Variants in UGT1A10 observed in about 807,000 individuals in gnomAD.
UGT1A10 encodes UDP-glucuronosyltransferase 1A10.
Under a neutral mutation model 45.8 loss-of-function variants are expected in UGT1A10, and 49 were observed. The observed-to-expected ratio is 1.07, with a 90% CI of 0.85 to 1.36. The LOEUF (loss-of-function observed/expected upper bound fraction) is 1.36, where lower values mean the gene tolerates loss of function less well. Ranked by LOEUF, UGT1A10 falls within the 40% of genes most tolerant of loss-of-function variation. UGT1A10 has a pLI of 0.00. For synonymous variants in UGT1A10, 284 were observed against 249.7 expected (o/e 1.14, Z -1.29); for missense variants, 745 against 668.6 (o/e 1.11, Z -1.26).
intron 1 of UGT1A10, among the ~76,000 whole-genome samples, chr2:233,733,535 T>G (rs1019669539): frequency 5.4e-4 from 82 of 152,358 alleles, no homozygotes; most frequent in Non-Finnish European, 5.9e-5. Flanking sequence ...TTAATTTTGT[T>G]GAAGGCCTTT....
intron 1 of UGT1A10, among the ~76,000 whole-genome samples, chr2:233,754,141 CATTAA>C (rs911730830): frequency 6.6e-6 from 1 of 152,194 alleles, no homozygotes; most frequent in Admixed American, 6.5e-5. Flanking sequence ...TAAAAGCCAT[CATTAA>C]ATTAAGCCAG....
At position 233,757,353 on chromosome 2, in the gene UGT1A10, G is replaced by A. The variant is rs373045458; in HGVS notation, c.856-9681G>A. The stretch of plus-strand genomic sequence containing the variant: ...GGGACCATGACAGCTGGGTCTGAGA[G>A]ACAGTGGTAGAAACATCCAGATTCA... On this transcript the variant is annotated intron_variant, in intron 1 of 4. Transcript: ENST00000344644. Among the ~76,000 whole-genome samples, 3 of 151,254 alleles carry A rather than the reference G, an allele frequency of 2.0e-5. No homozygotes were observed. The East Asian group carries it at 5.9e-4, about 30-fold the overall frequency.
chr2:233,759,224 T>C (rs1471050247), intron 1 of UGT1A10, among the ~76,000 whole-genome samples: 1 of 152,116 alleles, frequency 6.6e-6, no homozygotes, highest in Non-Finnish European at 1.5e-5. Flanking sequence ...TTTATGCAAA[T>C]GAAGGATGGA....
Position 233,729,783 on chromosome 2 carries a change from C to T in UGT1A10, c.856-37251C>T, listed in dbSNP as rs761502728. On this transcript the variant is annotated intron_variant, in intron 1 of 4. Coordinates refer to ENST00000344644, the MANE Select transcript of UGT1A10 (RefSeq NM_019075.4). Reference sequence around the variant, plus strand: ...TCAAGAACATGCTCTACCCTCTGGCCCTGTCCTACATTTGCCATGCTTTTT... The same window carrying T: ...TCAAGAACATGCTCTACCCTCTGGCTCTGTCCTACATTTGCCATGCTTTTT... 6 of 1,613,820 alleles carry T rather than the reference C, an allele frequency of 3.7e-6. No homozygotes were observed. In the Admixed American group the frequency reaches 8.3e-5, roughly 22 times the overall value.
Position 233,724,632 on chromosome 2 carries a change from A to G in UGT1A10, c.856-42402A>G, listed in dbSNP as rs1200392360. On this transcript the variant is annotated intron_variant, in intron 1 of 4. Transcript: ENST00000344644. ...CGGGCAGAGACGCTCCTCACTTCCT[A>G]GATGTGATGGCGGCTGGGAAGAGGC... Among the ~76,000 whole-genome samples, 15 of 136,662 alleles carry G rather than the reference A, an allele frequency of 1.1e-4. 1 individual carries two copies. Among genetic ancestry groups the G allele is most frequent in the Non-Finnish European group, 2.0e-4 (13 of 64,126 alleles). 89.7% of individuals were successfully genotyped at this position (136,662 alleles called of 152,430 possible).
In UGT1A10 at chr2:233,768,537, T is replaced by C; in HGVS notation, c.1295+98T>C. ...TTACGTAGCATTTAATAGCGTTGTT[T>C]CAAATATAAAAACAAATACATAAAA... On this transcript the variant is annotated intron_variant, in intron 4 of 4. Transcript: ENST00000344644. 2.0e-6 allele frequency: 3 copies of C among 1,499,906 alleles called. No individual in the cohort carries two copies. The South Asian group carries it at 4.0e-5, about 20-fold the overall frequency. The allele number at this position is 1,499,906 out of a possible 1,614,324, so 92.9% of individuals were successfully genotyped here.
chr2:233,724,299 A>C (rs1357747984), intron 1 of UGT1A10, among the ~76,000 whole-genome samples: 1 of 112,984 alleles, frequency 8.9e-6, no homozygotes, highest in Non-Finnish European at 1.8e-5. Flanking sequence ...TGACCCCCCC[A>C]CCTCCCTCCC....
intron 1 of UGT1A10, among the ~76,000 whole-genome samples, chr2:233,763,291 T>C (rs1222576175): frequency 6.6e-6 from 1 of 152,232 alleles, no homozygotes; most frequent in Non-Finnish European, 1.5e-5. Context: ...AAATTCCACT[T>C]TTTGGATATT....
intron 1 of UGT1A10, among the ~76,000 whole-genome samples, chr2:233,765,317 T>G (rs984736516): frequency 1.3e-5 from 2 of 152,240 alleles, no homozygotes; most frequent in Non-Finnish European, 2.9e-5. Flanking sequence ...ATTTGTTTAT[T>G]GCAGCACTAT....
chr2:233,772,269 G>C lies in UGT1A10; in HGVS notation c.1303G>C (p.Glu435Gln), dbSNP rs868814380. The C allele has an allele frequency of 1.2e-6, 2 of 1,614,106 alleles. No homozygotes were observed. The highest frequency in any genetic ancestry group is 1.7e-6 in the Non-Finnish European group (2 of 1,180,050). Residue 435 changes from glutamate to glutamine, a missense_variant, in exon 5 of 5, where the codon GAG becomes CAG. Transcript: ENST00000344644. ...AACTGTCTTTGTGTTTAGTTACAAG[G>C]AGAACATCATGCGCCTCTCCAGCCT... The part of the protein sequence containing the change: ...KAVINDKSYK[E>Q]NIMRLSSLHK...
At chr2:233,672,131 T>C in intron 1 of UGT1A10, 3 of 1,614,178 alleles carry the variant, frequency 1.9e-6, no homozygotes, top group Non-Finnish European at 2.5e-6. Flanking sequence ...AGTTGGCAAC[T>C]GGGAAGATCA....
intron 1 of UGT1A10, chr2:233,718,729 G>A: frequency 6.2e-7 from 1 of 1,611,182 alleles, no homozygotes; most frequent in African/African-American, 1.3e-5. Flanking sequence ...GATTTGCTAG[G>A]TGGCTCAATG....
intron 1 of UGT1A10, among the ~76,000 whole-genome samples, chr2:233,707,259 A>G (rs1327423333): frequency 6.6e-6 from 1 of 151,866 alleles, no homozygotes; most frequent in Admixed American, 6.6e-5. Context: ...TTTCTTCATC[A>G]GCATTTATTT....
intron 1 of UGT1A10, among the ~76,000 whole-genome samples, chr2:233,704,631 AC>A (rs375388019): frequency 5.3e-5 from 8 of 152,238 alleles, no homozygotes; most frequent in Middle Eastern, 3.4e-3. Flanking sequence ...TGTTATATTA[AC>A]CTTTTTGCTT....
In UGT1A10 at chr2:233,695,130, C is replaced by CTTTCTTTTTTTTTTTTT. The variant is rs1364557158; in HGVS notation, c.855+57756_855+57757insCTTTTTTTTTTTTTTTT. On this transcript the variant is annotated intron_variant, in intron 1 of 4. Transcript: ENST00000344644. ...GCCCATTAACCAACCCTTTTCTTTT[C>CTTTCTTTTTTTTTTTTT]TTTTTTTTTTTTTTGAGACAGAGTC... 2.9e-5 allele frequency among the ~76,000 whole-genome samples: 4 copies of CTTTCTTTTTTTTTTTTT among 138,838 alleles called. 1 individual carries two copies. 91.1% of individuals were successfully genotyped at this position (138,838 alleles called of 152,430 possible).
chr2:233,749,702 A>G (rs7556792), intron 1 of UGT1A10, among the ~76,000 whole-genome samples: 1 of 151,694 alleles, frequency 6.6e-6, no homozygotes, highest in African/African-American at 2.4e-5. Context: ...GTGGGAGGTG[A>G]TTGGATCATG....
chr2:233,687,112 TA>T (rs1320223051), intron 1 of UGT1A10, among the ~76,000 whole-genome samples: 1 of 152,156 alleles, frequency 6.6e-6, no homozygotes, highest in Non-Finnish European at 1.5e-5. Flanking sequence ...TAAACTTGGG[TA>T]AAAACTCAGC....
chr2:233,691,613 G>A (rs2075050134), intron 1 of UGT1A10: 5 of 985,636 alleles, frequency 5.1e-6, no homozygotes, highest in South Asian at 4.7e-5. Flanking sequence ...CTCTGGGACC[G>A]CCCTCAGCAG....
intron 1 of UGT1A10, among the ~76,000 whole-genome samples, chr2:233,678,059 A>G (rs1300962780): frequency 6.6e-6 from 1 of 152,236 alleles, no homozygotes; most frequent in Non-Finnish European, 1.5e-5. Context: ...AAGGGAATAT[A>G]TACAGGCACA....
Sources: allele counts gnomAD v4.1 joint callset (sites outside exome capture counted in the v4.1 genomes callset), GRCh38; gene constraint gnomAD v4.1.1; transcripts MANE v1.5; gene names NCBI Gene and HGNC (gene_info 2026-07-23, HGNC 2026-07-21).